SULF1: variants seen among roughly 807,000 people sequenced by gnomAD.
SULF1 encodes the protein extracellular sulfatase Sulf-1.
SULF1 carries 46 observed loss-of-function variants against 110.5 expected under a neutral mutation model. That is an observed-to-expected ratio of 0.42 (90% CI 0.33 to 0.53). The LOEUF is 0.53. Among genes scored for constraint, SULF1 ranks in the 20% least tolerant of loss-of-function variants. The pLI, the probability that SULF1 is intolerant of heterozygous loss-of-function variation, is 0.12. For synonymous variants in SULF1, 371 were observed against 387.1 expected, an observed-to-expected ratio of 0.96 and a Z score of 0.49; for missense variants, 941 against 1,094.2, an observed-to-expected ratio of 0.86 and a Z score of 1.98.
intron 3 of SULF1, among the ~76,000 whole-genome samples, chr8:69,518,538 T>C (rs1293548075): frequency 6.6e-6 from 1 of 152,222 alleles, no homozygotes; most frequent in Non-Finnish European, 1.5e-5. Context: ...TGGCAGGCAG[T>C]TAATTCACAT....
chr8:69,560,893 G>T (rs1340214388), intron 3 of SULF1, among the ~76,000 whole-genome samples: 2 of 152,176 alleles, frequency 1.3e-5, no homozygotes, highest in Non-Finnish European at 2.9e-5. Flanking sequence ...ACTCGTGCTG[G>T]CCAGACTAGT....
intron 3 of SULF1, among the ~76,000 whole-genome samples, chr8:69,520,865 A>C (rs1010965857): frequency 4.6e-5 from 7 of 152,190 alleles, no homozygotes; most frequent in Non-Finnish European, 1.0e-4. Flanking sequence ...ACCTGCTCTG[A>C]GTTTTGATTT....
chr8:69,642,635 T>C (rs1025232744), intron 22 of SULF1, among the ~76,000 whole-genome samples: 4 of 152,234 alleles, frequency 2.6e-5, no homozygotes, highest in African/African-American at 9.6e-5. Context: ...TAAATGGACC[T>C]ACCTCTAAAT....
At chr8:69,649,190 T>A (rs1285253294) in intron 22 of SULF1, among the ~76,000 whole-genome samples, 1 of 152,222 alleles carries the variant, frequency 6.6e-6, no homozygotes, top group African/African-American at 2.4e-5. Context: ...TGATATAACT[T>A]TACATTTACA....
intron 13 of SULF1, among the ~76,000 whole-genome samples, chr8:69,607,828 G>T (rs2130445206): frequency 6.6e-6 from 1 of 152,306 alleles, no homozygotes; most frequent in Admixed American, 6.5e-5. Context: ...GGTGGCAGCG[G>T]AGGCTAGAAC....
intron 8 of SULF1, among the ~76,000 whole-genome samples, chr8:69,594,561 G>C (rs1452679208): frequency 3.3e-5 from 5 of 152,160 alleles, no homozygotes; most frequent in Non-Finnish European, 7.3e-5. Context: ...AACTCCCTCT[G>C]TGTAAGCCAC....
Position 69,558,801 on chromosome 8 carries a change from C to G in SULF1, c.-133-4738C>G, listed in dbSNP as rs182238083. On this transcript the variant is annotated intron_variant, in intron 3 of 22. Transcript: ENST00000402687. ...AATTAAAATTTATTGAAGACCCTTG[C>G]CCCAACAGTTTTTATGTGGATTATA... 3.3e-5 allele frequency among the ~76,000 whole-genome samples: 5 copies of G among 152,128 alleles called. No individual in the cohort carries two copies. The East Asian group carries it at 9.6e-4, about 29-fold the overall frequency.
Position 69,638,747 on chromosome 8 carries a change from G to A in SULF1, c.2440G>A (p.Val814Met), listed in dbSNP as rs117639561. The A allele has an allele frequency of 4.6e-4, 748 of 1,614,108 alleles. No homozygotes were observed. Among genetic ancestry groups the A allele is most frequent in the Non-Finnish European group, 6.0e-4 (707 of 1,180,030 alleles). ...NTDPYQLTNT[V>M]HTVERGILNQ... ...TCTGCATTCACAGCTCACAAATACA[G>A]TGCACACGGTAGAACGAGGCATTTT... Residue 814 changes from valine to methionine, a missense_variant, in exon 21 of 23, where the codon GTG becomes ATG. Physicochemically the swap from Val to Met is conservative, Grantham distance 21. Coordinates refer to ENST00000402687, the MANE Select transcript of SULF1 (RefSeq NM_001128205.2).
At chr8:69,625,032 G>C (rs952504142) in intron 15 of SULF1, among the ~76,000 whole-genome samples, 2 of 152,204 alleles carry the variant, frequency 1.3e-5, no homozygotes, top group Non-Finnish European at 2.9e-5. Context: ...GTTTAGACCA[G>C]AATGCATTTC....
intron 13 of SULF1, among the ~76,000 whole-genome samples, chr8:69,608,599 C>T (rs1322685621): frequency 1.3e-5 from 2 of 152,070 alleles, no homozygotes; most frequent in African/African-American, 4.8e-5. Flanking sequence ...ACCGGGGAAT[C>T]ACTTGAACCC....
Position 69,655,635 on chromosome 8 carries a change from G to A in SULF1, c.2586-2870G>A, listed in dbSNP as rs1237496385. Among the ~76,000 whole-genome samples the A allele has an allele frequency of 6.6e-5, 10 of 152,194 alleles. No homozygotes were observed. The East Asian group carries it at 9.7e-4, about 15-fold the overall frequency. ...CTGGTCAGGCTGGTCTTAAACTCCT[G>A]ACCTCAAGTGATTCACCCGCCTCAT... On this transcript the variant is annotated intron_variant, in intron 22 of 22. Coordinates refer to ENST00000402687, the MANE Select transcript of SULF1 (RefSeq NM_001128205.2).
intron 1 of SULF1, among the ~76,000 whole-genome samples, chr8:69,470,348 C>A (rs953146921): frequency 6.6e-6 from 1 of 151,970 alleles, no homozygotes. Flanking sequence ...TAGGTTAGAA[C>A]CATGAAAATT....
chr8:69,502,587 C>T (rs1366082156), intron 3 of SULF1, among the ~76,000 whole-genome samples: 1 of 151,968 alleles, frequency 6.6e-6, no homozygotes, highest in Non-Finnish European at 1.5e-5. Flanking sequence ...CCCCTAAAAA[C>T]TAATGCAATG....
upstream of SULF1, among the ~76,000 whole-genome samples, chr8:69,492,134 G>A (rs1028425681): frequency 1.3e-5 from 2 of 152,102 alleles, no homozygotes; most frequent in Admixed American, 6.5e-5. Context: ...GAATTTCTTT[G>A]CGTGTTGGGA....
At chr8:69,639,434 C>T (rs1176471907) in intron 21 of SULF1, among the ~76,000 whole-genome samples, 1 of 152,232 alleles carries the variant, frequency 6.6e-6, no homozygotes, top group Non-Finnish European at 1.5e-5. Flanking sequence ...GATGTTCCTT[C>T]CCAGCTATGT....
At chr8:69,601,349 C>A (rs929019226) in intron 9 of SULF1, among the ~76,000 whole-genome samples, 1 of 152,184 alleles carries the variant, frequency 6.6e-6, no homozygotes, top group Non-Finnish European at 1.5e-5. Flanking sequence ...TTTCAAAGTA[C>A]AACCTATAAA....
chr8:69,556,372 A>G (rs1261315922), intron 3 of SULF1, among the ~76,000 whole-genome samples: 1 of 152,184 alleles, frequency 6.6e-6, no homozygotes, highest in Non-Finnish European at 1.5e-5. Context: ...CTCCTGCACA[A>G]TTCTTGAGTT....
intron 21 of SULF1, among the ~76,000 whole-genome samples, chr8:69,640,384 T>C (rs1811387960): frequency 1.3e-5 from 2 of 152,210 alleles, no homozygotes; most frequent in Admixed American, 1.3e-4. Context: ...TGGAGCCAGT[T>C]ATGCTGTTTC....
At chr8:69,632,357 G>A (rs114290424) in intron 19 of SULF1, among the ~76,000 whole-genome samples, 1,739 of 152,152 alleles carry the variant, frequency 0.011, 39 homozygotes, top group African/African-American at 0.04. Context: ...GTACACATAT[G>A]TGCACATACA....
Sources: allele counts gnomAD v4.1 joint callset (sites outside exome capture counted in the v4.1 genomes callset), GRCh38; gene constraint gnomAD v4.1.1; transcripts MANE v1.5; gene names NCBI Gene and HGNC (gene_info 2026-07-23, HGNC 2026-07-21).